EML6: variants seen among roughly 807,000 people sequenced by gnomAD.
The protein encoded by EML6 is EMAP like 6.
In EML6, 154 loss-of-function variants were observed where a neutral mutation model predicts 240.1. The ratio of observed to expected loss-of-function variants is 0.64; its 90% CI spans 0.56 to 0.73. EML6 has a LOEUF of 0.73. Among genes scored for constraint, EML6 ranks in the 30% least tolerant of loss-of-function variants. EML6 has a pLI of 0.00. For missense variants in EML6, 2,964 were observed against 2,474.6 expected (o/e 1.20, Z -4.20); for synonymous variants, 1,148 against 899.0 (o/e 1.28, Z -4.95).
At chr2:54,747,348 G>A (rs2288682) in intron 2 of EML6, 72,532 of 151,956 alleles carry the variant, frequency 0.48, 18,013 homozygotes, top group African/African-American at 0.61. Flanking sequence ...AAATCTAGCC[G>A]AGGATACCCT....
intron 2 of EML6, among the ~76,000 whole-genome samples, chr2:54,761,270 C>T (rs894396383): frequency 6.6e-6 from 1 of 151,488 alleles, no homozygotes. Context: ...TTTTGTGAAC[C>T]AAAAAATATG....
intron 28 of EML6, among the ~76,000 whole-genome samples, chr2:54,942,237 A>G (rs1318988045): frequency 6.6e-6 from 1 of 152,206 alleles, no homozygotes; most frequent in Non-Finnish European, 1.5e-5. Context: ...TTGGAAAATG[A>G]TTTTTAGAAG....
chr2:54,882,873 A>AAAAAAAAAAAAAAAAAGAG (rs796515025), intron 17 of EML6: 3 of 112,356 alleles, frequency 2.7e-5, no homozygotes, highest in African/African-American at 1.1e-4. Context: ...AAAAAAAAAA[A>AAAAAAAAAAAAAAAAAGAG]AGAAAGCTTA....
chr2:54,948,254 G>A (rs1199628134), intron 28 of EML6, among the ~76,000 whole-genome samples: 2 of 152,210 alleles, frequency 1.3e-5, no homozygotes, highest in Non-Finnish European at 2.9e-5. Flanking sequence ...AACCTTTGGT[G>A]TGGTAGCAGC....
At chr2:54,810,021 A>G (rs1667754832) in intron 2 of EML6, among the ~76,000 whole-genome samples, 1 of 152,212 alleles carries the variant, frequency 6.6e-6, no homozygotes, top group South Asian at 2.1e-4. Flanking sequence ...ATGGACATAG[A>G]TAAATGGTAA....
intron 2 of EML6, among the ~76,000 whole-genome samples, chr2:54,766,298 G>C (rs1668185612): frequency 6.6e-6 from 1 of 152,172 alleles, no homozygotes; most frequent in South Asian, 2.1e-4. Context: ...GAAAATCCCA[G>C]ATCACGTGTT....
chr2:54,939,218 C>A (rs1675302188), intron 28 of EML6, among the ~76,000 whole-genome samples: 1 of 152,208 alleles, frequency 6.6e-6, no homozygotes, highest in African/African-American at 2.4e-5. Context: ...AAGCAGTTGG[C>A]CTCCCTGGTC....
intron 2 of EML6, among the ~76,000 whole-genome samples, chr2:54,769,167 G>A (rs138971481): frequency 5.3e-5 from 8 of 152,314 alleles, no homozygotes; most frequent in African/African-American, 1.4e-4. Flanking sequence ...GAGCCAGTCT[G>A]GCTGCAGTGT....
At chr2:54,829,861 G>A (rs1271076500) in intron 7 of EML6, among the ~76,000 whole-genome samples, 2 of 152,322 alleles carry the variant, frequency 1.3e-5, no homozygotes, top group East Asian at 3.9e-4. Flanking sequence ...TAAAGTAGTA[G>A]ATAATTATAG....
chr2:54,964,136 A>C lies in EML6; in HGVS notation c.5308A>C (p.Lys1770Gln). The change falls in exon 37 of 42, where the codon AAA (lysine) becomes CAA (glutamine). Residue 1770 changes from lysine to glutamine, a missense_variant. Coordinates refer to ENST00000356458, the MANE Select transcript of EML6 (RefSeq NM_001039753.4). ...AGTTTGGGGGAAAAAACGAGACCGG[A>C]AATCTGCTATCCAAGATATCAGGTA... is the stretch of plus-strand genomic sequence containing the variant. ...LKVWGKKRDRKSAIQDIRISP... is the reference protein window; with the variant it reads ...LKVWGKKRDRQSAIQDIRISP... 6.4e-7 allele frequency: 1 copy of C among 1,551,668 alleles called. No homozygotes were observed. Among genetic ancestry groups the C allele is most frequent in the Non-Finnish European group, 8.7e-7 (1 of 1,146,970 alleles).
chr2:54,965,110 T>C (rs1405292005), intron 38 of EML6, among the ~76,000 whole-genome samples: 1 of 152,278 alleles, frequency 6.6e-6, no homozygotes, highest in Admixed American at 6.5e-5. Flanking sequence ...CTGGGTAGAA[T>C]GGCCCCTCCA....
intron 10 of EML6, among the ~76,000 whole-genome samples, chr2:54,851,276 G>A (rs890256553): frequency 6.6e-5 from 10 of 152,140 alleles, no homozygotes; most frequent in East Asian, 1.9e-4. Flanking sequence ...AGCCAGGCGC[G>A]GTGGCGGGCA....
At chr2:54,938,347 A>T (rs1675258574) in intron 28 of EML6, among the ~76,000 whole-genome samples, 1 of 152,226 alleles carries the variant, frequency 6.6e-6, no homozygotes, top group Non-Finnish European at 1.5e-5. Flanking sequence ...TAGGGTATGC[A>T]GAAAGCTATA....
At chr2:54,957,753 C>G in intron 32 of EML6, 37 bp from the exon 33 acceptor site, 1 of 1,541,160 alleles carries the variant, frequency 6.5e-7, no homozygotes. Context: ...GCCCATGAAG[C>G]AATGAGGAGC....
intron 34 of EML6, 41 bp downstream of exon 34, chr2:54,959,302 T>G: frequency 2.0e-6 from 3 of 1,476,332 alleles, no homozygotes; most frequent in African/African-American, 1.4e-5. Context: ...TCGTTTGTTG[T>G]TATCTTGGGA....
chr2:54,760,822 ATTTTT>A (rs200476039), intron 2 of EML6, among the ~76,000 whole-genome samples: 27 of 120,422 alleles, frequency 2.2e-4, no homozygotes, highest in Non-Finnish European at 4.5e-4. Context: ...TTGAGGGAGC[ATTTTT>A]TTTTTTTTTT....
chr2:54,856,256 C>T (rs1381962479), intron 11 of EML6, among the ~76,000 whole-genome samples: 6 of 152,200 alleles, frequency 3.9e-5, no homozygotes, highest in Admixed American at 3.9e-4. Flanking sequence ...GTTTGACCAT[C>T]GCCACACAGA....
intron 21 of EML6, among the ~76,000 whole-genome samples, chr2:54,899,373 C>T (rs548125279): frequency 6.6e-6 from 1 of 152,300 alleles, no homozygotes; most frequent in African/African-American, 2.4e-5. Flanking sequence ...AGATGTTTGG[C>T]ATCATATAAA....
chr2:54,841,107 C>A (rs1176741937), intron 7 of EML6, among the ~76,000 whole-genome samples: 1 of 151,324 alleles, frequency 6.6e-6, no homozygotes, highest in Non-Finnish European at 1.5e-5. Flanking sequence ...GGAGGGGGGG[C>A]TGTGGCAACA....
Sources: allele counts gnomAD v4.1 joint callset (sites outside exome capture counted in the v4.1 genomes callset), GRCh38; gene constraint gnomAD v4.1.1; transcripts MANE v1.5; gene names NCBI Gene and HGNC (gene_info 2026-07-23, HGNC 2026-07-21).